Variants in AK7 observed in about 807,000 individuals in gnomAD.
AK7 encodes the protein ATP-AMP transphosphorylase 7.
In AK7, 78 loss-of-function variants were observed where a neutral mutation model predicts 96.6. That is an observed-to-expected ratio of 0.81 (90% CI 0.67 to 0.97). The LOEUF (loss-of-function observed/expected upper bound fraction) is 0.97, where lower values mean the gene tolerates loss of function less well. Ranked by LOEUF, AK7 falls within the 50% of genes least tolerant of loss-of-function variation. The probability of loss-of-function intolerance (pLI) is 0.00; values close to 1 mark genes in which losing one functional copy is unlikely to be tolerated. For missense variants in AK7, 855 were observed against 887.9 expected (o/e 0.96, Z 0.47); for synonymous variants, 302 against 317.2 (o/e 0.95, Z 0.51).
chr14:96,486,138 A>G (rs1383277898), intron 16 of AK7, among the ~76,000 whole-genome samples: 1 of 152,132 alleles, frequency 6.6e-6, no homozygotes, highest in African/African-American at 2.4e-5. Context: ...AAATGACTTC[A>G]CCATAAAGAA....
At chr14:96,444,470 T>C (rs1893121872) in intron 7 of AK7, among the ~76,000 whole-genome samples, 1 of 152,178 alleles carries the variant, frequency 6.6e-6, no homozygotes, top group African/African-American at 2.4e-5. Context: ...TAAGTTCTTG[T>C]ACTAGGCCCC....
At chr14:96,457,351 G>A (rs568856698) in intron 11 of AK7, among the ~76,000 whole-genome samples, 14 of 152,214 alleles carry the variant, frequency 9.2e-5, no homozygotes, top group South Asian at 6.2e-4. Flanking sequence ...GTGAGCCACC[G>A]TGCCAAGCCT....
intron 12 of AK7, among the ~76,000 whole-genome samples, chr14:96,468,997 C>G (rs1894737192): frequency 6.6e-6 from 1 of 152,136 alleles, no homozygotes; most frequent in Non-Finnish European, 1.5e-5. Flanking sequence ...GAGAAAGGCA[C>G]TTGGACTGGG....
At chr14:96,462,194 G>A (rs150261276) in intron 12 of AK7, among the ~76,000 whole-genome samples, 18 of 152,236 alleles carry the variant, frequency 1.2e-4, no homozygotes, top group African/African-American at 4.1e-4. Context: ...TGGTCGTGTG[G>A]GGAAGATACA....
chr14:96,406,044 C>G (rs1434979974), intron 3 of AK7, among the ~76,000 whole-genome samples: 1 of 134,930 alleles, frequency 7.4e-6, no homozygotes, highest in Non-Finnish European at 1.6e-5. Context: ...TCATGTCCCC[C>G]CAAAGCAACC....
chr14:96,487,401 GA>G (rs1249729830), intron 17 of AK7, among the ~76,000 whole-genome samples: 14 of 95,728 alleles, frequency 1.5e-4, no homozygotes, highest in African/African-American at 4.4e-4. Flanking sequence ...AAAAAAAAAA[GA>G]AAAAAAAAGA....
chr14:96,409,621 T>C (rs1401761827), intron 4 of AK7, among the ~76,000 whole-genome samples: 2 of 152,184 alleles, frequency 1.3e-5, no homozygotes, highest in African/African-American at 4.8e-5. Flanking sequence ...ATAGTGATTA[T>C]AGTATTCCCT....
At chr14:96,419,075 A>C (rs2140034885) in intron 4 of AK7, among the ~76,000 whole-genome samples, 1 of 152,264 alleles carries the variant, frequency 6.6e-6, no homozygotes, top group Middle Eastern at 3.4e-3. Flanking sequence ...TAACATAGTT[A>C]TTTTGGTTGC....
At chr14:96,421,009 C>A in intron 5 of AK7, 77 bp downstream of exon 5, 3 of 1,007,946 alleles carry the variant, frequency 3.0e-6, no homozygotes, top group Non-Finnish European at 3.0e-6. Flanking sequence ...TGAGACTTAC[C>A]CCACGGATGT....
intron 5 of AK7, chr14:96,421,343 G>C (rs530606619): frequency 1.9e-5 from 3 of 157,306 alleles, no homozygotes; most frequent in African/African-American, 4.8e-5. Context: ...TTTGCCCAAG[G>C]TCACATAACT....
chr14:96,475,404 G>A lies in AK7; in HGVS notation c.1555+2649G>A, dbSNP rs118072049. Among the ~76,000 whole-genome samples the A allele has an allele frequency of 8.5e-5, 13 of 152,282 alleles. 1 individual carries two copies. Among genetic ancestry groups the A allele is most frequent in the Non-Finnish European group, 1.3e-4 (9 of 68,032 alleles). Reference sequence around the variant, plus strand: ...AAGGGGAAAGGTCTAGATCAATGCCGTTGTTGGGGTTTCTTTGGGAAAGCC... The same window carrying A: ...AAGGGGAAAGGTCTAGATCAATGCCATTGTTGGGGTTTCTTTGGGAAAGCC... On this transcript the variant is annotated intron_variant, in intron 14 of 17. Coordinates refer to ENST00000267584, the MANE Select transcript of AK7 (RefSeq NM_152327.5).
intron 12 of AK7, among the ~76,000 whole-genome samples, chr14:96,459,834 A>G (rs1894156262): frequency 6.6e-6 from 1 of 152,054 alleles, no homozygotes; most frequent in Non-Finnish European, 1.5e-5. Flanking sequence ...CTGAGATCGC[A>G]CCACTGTACT....
At chr14:96,464,233 A>C (rs1385275734) in intron 12 of AK7, among the ~76,000 whole-genome samples, 1 of 152,030 alleles carries the variant, frequency 6.6e-6, no homozygotes, top group Non-Finnish European at 1.5e-5. Flanking sequence ...GCCATACTAT[A>C]AACAGTGCTT....
Position 96,399,234 on chromosome 14 carries a change from T to G in AK7, c.294+971T>G, listed in dbSNP as rs960602225. On this transcript the variant is annotated intron_variant, in intron 2 of 17. Transcript: ENST00000267584. This position sits in a 1 kb window ranked among gnomAD's most constrained non-coding sequence, Gnocchi z 4.1. ...TTATCCCTGTGTTTATCCATGTATC[T>G]GTGGCACCTAACACAGCCACTGCCA... is the stretch of plus-strand genomic sequence containing the variant. 6.6e-6 allele frequency: 1 copy of G among 152,224 alleles called. No homozygotes were observed. Among genetic ancestry groups the G allele is most frequent in the African/African-American group, 2.4e-5 (1 of 41,446 alleles). The allele number at this position is 152,224 out of a possible 1,614,324, so 9.4% of individuals were successfully genotyped here.
At chr14:96,439,847 A>G (rs957786677) in intron 6 of AK7, among the ~76,000 whole-genome samples, 1 of 152,172 alleles carries the variant, frequency 6.6e-6, no homozygotes, top group Non-Finnish European at 1.5e-5. Flanking sequence ...CAATGAGAAC[A>G]GAGAAATATT....
intron 4 of AK7, among the ~76,000 whole-genome samples, chr14:96,412,226 C>CTTTTTTTTTTTTTTTTTTTTTTTTTTTTT (rs34331496): frequency 8.3e-6 from 1 of 121,026 alleles, no homozygotes; most frequent in Admixed American, 8.5e-5. Context: ...TTCTTTCTTT[C>CTTTTTTTTTTTTTTTTTTTTTTTTTTTTT]TTTTTTTTTT....
intron 12 of AK7, among the ~76,000 whole-genome samples, chr14:96,460,823 T>G (rs750277803): frequency 6.6e-6 from 1 of 152,176 alleles, no homozygotes; most frequent in Non-Finnish European, 1.5e-5. Flanking sequence ...TGGTTCCTTA[T>G]GTTTGTCACT....
At chr14:96,449,420 G>GTTTGTT (rs59663718) in intron 8 of AK7, among the ~76,000 whole-genome samples, 9 of 151,738 alleles carry the variant, frequency 5.9e-5, no homozygotes, top group African/African-American at 2.2e-4. Flanking sequence ...TCATTTGAGG[G>GTTTGTT]TGTTTGTTTG....
chr14:96,464,155 G>A (rs1427804496), intron 12 of AK7, among the ~76,000 whole-genome samples: 1 of 152,108 alleles, frequency 6.6e-6, no homozygotes, highest in Non-Finnish European at 1.5e-5. Flanking sequence ...CCCACAGTGA[G>A]AAGAGATAGT....
Sources: allele counts gnomAD v4.1 joint callset (sites outside exome capture counted in the v4.1 genomes callset), GRCh38; gene constraint gnomAD v4.1.1; non-coding constraint Gnocchi (gnomAD v3.1); transcripts MANE v1.5; gene names NCBI Gene and HGNC (gene_info 2026-07-23, HGNC 2026-07-21).